The following SRBD1 variants were observed in gnomAD, a reference collection of about 807,000 sequenced individuals.
SRBD1 encodes S1 RNA-binding domain-containing protein 1.
A neutral mutation model predicts 115.3 loss-of-function variants in SRBD1; 88 were observed. The ratio of observed to expected loss-of-function variants is 0.76; its 90% CI spans 0.64 to 0.91. SRBD1 has a LOEUF of 0.91. SRBD1 is among the 40% of genes least tolerant of loss of function. The pLI is 0.00. For missense variants in SRBD1, 1,385 were observed against 1,177.4 expected (o/e 1.18, Z -2.58); for synonymous variants, 509 against 407.7 (o/e 1.25, Z -2.99).
chr2:45,601,558 C>A (rs1383008049), intron 3 of SRBD1, among the ~76,000 whole-genome samples: 1 of 152,210 alleles, frequency 6.6e-6, no homozygotes, highest in South Asian at 2.1e-4. Flanking sequence ...GCTTTCTCAT[C>A]TATAAAATCA....
intron 7 of SRBD1, among the ~76,000 whole-genome samples, chr2:45,579,111 C>T (rs7585193): frequency 0.21 from 31,301 of 151,950 alleles, 5,630 homozygotes; most frequent in African/African-American, 0.49. Flanking sequence ...CCAAAGTTGT[C>T]ACTCTAAGAC....
chr2:45,501,075 G>A (rs138170826), intron 14 of SRBD1, among the ~76,000 whole-genome samples: 2 of 152,084 alleles, frequency 1.3e-5, no homozygotes, highest in East Asian at 3.8e-4. Flanking sequence ...AATTTGTTGA[G>A]AGTTTTCATC....
chr2:45,522,453 TG>T (rs1328576865), intron 14 of SRBD1, among the ~76,000 whole-genome samples: 4 of 152,180 alleles, frequency 2.6e-5, no homozygotes, highest in African/African-American at 4.8e-5. Context: ...GCTGGGATTA[TG>T]GGCATGAGCC....
chr2:45,546,386 T>C lies in SRBD1; in HGVS notation c.1874+346A>G, dbSNP rs534206564. 9.2e-6 allele frequency: 9 copies of C among 974,490 alleles called. No homozygotes were observed. The African/African-American group carries it at 1.6e-4, about 17-fold the overall frequency. The allele number at this position is 974,490 out of a possible 1,614,324, so 60.4% of individuals were successfully genotyped here. ...CTTTGGGAGAAAAAGGCTAAGTTATTCACAGTCTACTAGCTGCTAGCCTGG... is the reference window on the plus strand; with the variant it reads ...CTTTGGGAGAAAAAGGCTAAGTTATCCACAGTCTACTAGCTGCTAGCCTGG... On this transcript the variant is annotated intron_variant, in intron 14 of 20. Transcript: ENST00000263736.
intron 16 of SRBD1, among the ~76,000 whole-genome samples, chr2:45,423,932 T>A (rs77688001): frequency 0.03 from 4,561 of 152,232 alleles, 93 homozygotes; most frequent in Middle Eastern, 0.058. Flanking sequence ...TCTTGACATT[T>A]TTAAATTTTA....
At chr2:45,506,113 A>G (rs892849489) in intron 14 of SRBD1, among the ~76,000 whole-genome samples, 1 of 152,188 alleles carries the variant, frequency 6.6e-6, no homozygotes, top group African/African-American at 2.4e-5. Context: ...CATACAAATC[A>G]GTGATTTGTT....
intron 16 of SRBD1, among the ~76,000 whole-genome samples, chr2:45,435,083 T>A (rs962234346): frequency 9.2e-5 from 14 of 152,154 alleles, no homozygotes; most frequent in African/African-American, 2.9e-4. Context: ...TTCATCCATG[T>A]CCCTACAAAG....
chr2:45,442,251 G>A (rs1186346641), intron 16 of SRBD1, among the ~76,000 whole-genome samples: 1 of 152,176 alleles, frequency 6.6e-6, no homozygotes, highest in Non-Finnish European at 1.5e-5. Flanking sequence ...AACTGACATG[G>A]TCAGAAACCA....
At chr2:45,556,538 T>A (rs1043201422) in intron 10 of SRBD1, among the ~76,000 whole-genome samples, 1 of 143,804 alleles carries the variant, frequency 7.0e-6, no homozygotes, top group Non-Finnish European at 1.5e-5. Context: ...TCTTGGCTCA[T>A]TGCAACCTCC....
intron 14 of SRBD1, among the ~76,000 whole-genome samples, chr2:45,535,784 A>G (rs1041506742): frequency 1.3e-5 from 2 of 152,040 alleles, no homozygotes; most frequent in African/African-American, 4.8e-5. Flanking sequence ...TCTTTTATCC[A>G]CTGATTAGGA....
At chr2:45,476,509 T>C (rs714265) in intron 16 of SRBD1, among the ~76,000 whole-genome samples, 15,153 of 152,152 alleles carry the variant, frequency 0.1, 1,117 homozygotes, top group African/African-American at 0.21. Flanking sequence ...TTTAGTGCTG[T>C]CTTGAATTGC....
intron 16 of SRBD1, among the ~76,000 whole-genome samples, chr2:45,457,551 T>C (rs1669192100): frequency 6.6e-6 from 1 of 152,010 alleles, no homozygotes; most frequent in African/African-American, 2.4e-5. Context: ...CTTCATGGTA[T>C]AGCTAATATT....
At chr2:45,574,049 TG>T (rs1213904344) in intron 8 of SRBD1, among the ~76,000 whole-genome samples, 8 of 152,134 alleles carry the variant, frequency 5.3e-5, no homozygotes, top group Non-Finnish European at 8.8e-5. Flanking sequence ...TTAATTAATG[TG>T]TTTTTTTAAT....
At position 45,599,503 on chromosome 2, in the gene SRBD1, T is replaced by C. The variant is rs1308533102; in HGVS notation, c.594A>G (p.Pro198=). 1 of 1,614,114 alleles carries C rather than the reference T, an allele frequency of 6.2e-7. No individual in the cohort carries two copies. Among genetic ancestry groups the C allele is most frequent in the East Asian group, 2.2e-5 (1 of 44,906 alleles). The change falls in exon 4 of 21, where the codon CCA becomes CCG. Residue 198 remains proline, a synonymous_variant. Coordinates refer to ENST00000263736, the MANE Select transcript of SRBD1 (RefSeq NM_018079.5). ...TYPQGQPVKF[P]ANANSTKEEV... ...CCTCTTTAGTACTATTGGCATTTGC[T>C]GGAAACTTGACAGGCTGCCCCTGAG... is the stretch of plus-strand genomic sequence containing the variant.
Position 45,405,198 on chromosome 2 carries a change from T to C in SRBD1, c.2513+7916A>G, listed in dbSNP as rs74592631. ...AGGGATCTTTGAATGTATTCCAAGA[T>C]TGCATAACAGTACTTGGAATATGGC... On this transcript the variant is annotated intron_variant, in intron 19 of 20. Transcript: ENST00000263736. Among the ~76,000 whole-genome samples, 489 of 152,312 alleles carry C rather than the reference T, an allele frequency of 3.2e-3. 2 individuals carry two copies. Among genetic ancestry groups the C allele is most frequent in the African/African-American group, 6.7e-3 (277 of 41,584 alleles).
At chr2:45,509,823 T>C (rs965081907) in intron 14 of SRBD1, among the ~76,000 whole-genome samples, 1 of 152,104 alleles carries the variant, frequency 6.6e-6, no homozygotes, top group Non-Finnish European at 1.5e-5. Context: ...TAGCCTTGTA[T>C]TCTTGGGCTC....
chr2:45,601,937 T>A lies in SRBD1; in HGVS notation c.227A>T (p.Asp76Val). Residue 76 changes from aspartate (D) to valine (V), a missense_variant, in exon 3 of 21, where the codon GAT becomes GTT. By Grantham distance (152) the Asp-to-Val change is radical. Transcript: ENST00000263736. ...RVKKNAPQIS[D>V]GSEVVVVKEE... ...CTTAACAACAACGACTTCTGAGCCATCACTGATCTGTGGGGCATTCTTCTT... is the reference window on the plus strand; with the variant it reads ...CTTAACAACAACGACTTCTGAGCCAACACTGATCTGTGGGGCATTCTTCTT... 6.2e-7 allele frequency: 1 copy of A among 1,614,210 alleles called. No individual in the cohort carries two copies. The highest frequency in any genetic ancestry group is 8.5e-7 in the Non-Finnish European group (1 of 1,180,022).
intron 14 of SRBD1, among the ~76,000 whole-genome samples, chr2:45,528,316 A>G (rs532392511): frequency 2.2e-4 from 33 of 151,920 alleles, no homozygotes; most frequent in African/African-American, 7.2e-4. Flanking sequence ...TAACATCTCA[A>G]AAGAAGAATG....
At chr2:45,392,852 T>C (rs1263830236) in intron 20 of SRBD1, 93 bp downstream of exon 20, 3 of 1,147,928 alleles carry the variant, frequency 2.6e-6, no homozygotes, top group Non-Finnish European at 3.6e-6. Context: ...ATAATATCCA[T>C]TCTGCTTATG....
Sources: allele counts gnomAD v4.1 joint callset (sites outside exome capture counted in the v4.1 genomes callset), GRCh38; gene constraint gnomAD v4.1.1; transcripts MANE v1.5; gene names NCBI Gene and HGNC (gene_info 2026-07-23, HGNC 2026-07-21).